The following UBXN2B variants were observed in gnomAD, a reference collection of about 807,000 sequenced individuals.
UBXN2B encodes UBX domain-containing protein 2B.
Under a neutral mutation model 37.5 loss-of-function variants are expected in UBXN2B, and 19 were observed. The observed-to-expected ratio is 0.51, with a 90% confidence interval of 0.35 to 0.74. The LOEUF (loss-of-function observed/expected upper bound fraction) is 0.74. Among genes scored for constraint, UBXN2B ranks in the 30% least tolerant of loss-of-function variants. The probability of loss-of-function intolerance (pLI) is 0.01; values close to 1 mark genes in which losing one functional copy is unlikely to be tolerated. For missense variants in UBXN2B, 370 were observed against 393.2 expected, an observed-to-expected ratio of 0.94 and a Z score of 0.50; for synonymous variants, 145 against 143.8, an observed-to-expected ratio of 1.01 and a Z score of -0.06.
At position 58,426,824 on chromosome 8, in the gene UBXN2B, C is replaced by G. The variant is rs920702582; in HGVS notation, c.189-3695C>G. 52 of 579,410 alleles carry G rather than the reference C, an allele frequency of 9.0e-5. 1 individual carries two copies. Among genetic ancestry groups the G allele is most frequent in the African/African-American group, 2.4e-4 (13 of 54,792 alleles). 35.9% of individuals were successfully genotyped at this position (579,410 alleles called of 1,614,324 possible). ...AGCCAGCCGACTGTGCACAGACCCC[C>G]CTCCAGGCCTGGGGATCCTGGAGAC... On this transcript the variant is annotated intron_variant, in intron 2 of 7. Transcript: ENST00000399598.
intron 6 of UBXN2B, 109 bp downstream of exon 6, chr8:58,439,879 A>G: frequency 2.0e-6 from 2 of 975,916 alleles, no homozygotes; most frequent in Non-Finnish European, 2.9e-6. Flanking sequence ...TGAACCATGC[A>G]CATTAGATAT....
chr8:58,434,988 A>G (rs1808375007), intron 5 of UBXN2B: 1 of 1,532,552 alleles, frequency 6.5e-7, no homozygotes, highest in African/African-American at 1.4e-5. Flanking sequence ...AAACTCAGAT[A>G]TTCAGTGCTC....
chr8:58,418,241 CAAAAAAAAAAAA>C (rs56073006), intron 2 of UBXN2B, among the ~76,000 whole-genome samples: 32 of 109,090 alleles, frequency 2.9e-4, no homozygotes, highest in Admixed American at 6.0e-4. Flanking sequence ...ACTCTGTCTC[CAAAAAAAAAAAA>C]AAAAAAAAAA....
chr8:58,435,088 C>T, intron 5 of UBXN2B: 1 of 1,428,120 alleles, frequency 7.0e-7, no homozygotes, highest in Non-Finnish European at 9.1e-7. Context: ...AAAAGCTTTT[C>T]TGTGTTATGA....
chr8:58,447,815 G>A lies in UBXN2B; in HGVS notation c.*264G>A, dbSNP rs1020104649. 17 of 275,836 alleles carry A rather than the reference G, an allele frequency of 6.2e-5. No homozygotes were observed. The highest frequency in any genetic ancestry group is 1.0e-4 in the Non-Finnish European group (15 of 149,140). The allele number at this position is 275,836 out of a possible 1,614,324, so 17.1% of individuals were successfully genotyped here. On this transcript the variant is annotated 3_prime_UTR_variant, in exon 8 of 8. Coordinates refer to ENST00000399598, the MANE Select transcript of UBXN2B (RefSeq NM_001077619.2). Reference sequence around the variant, plus strand: ...TTTCTAGGCAAATGAGTTGTTACATGCTTAGTGTTAATGTAACAACATTTG... The same window carrying A: ...TTTCTAGGCAAATGAGTTGTTACATACTTAGTGTTAATGTAACAACATTTG...
chr8:58,434,948 G>C, intron 5 of UBXN2B: 1 of 1,535,458 alleles, frequency 6.5e-7, no homozygotes, highest in Non-Finnish European at 8.7e-7. Flanking sequence ...GATTTCAAAA[G>C]GTTAGTTTGA....
In UBXN2B at chr8:58,434,556, C is replaced by A. The variant is rs745625650; in HGVS notation, c.533+52C>A. ...TGTTATGTAGAGTGGGACTTATTTT[C>A]TTAACAGACTACTCATTATTAGTGC... On this transcript the variant is annotated intron_variant, in intron 5 of 7. Coordinates refer to ENST00000399598, the MANE Select transcript of UBXN2B (RefSeq NM_001077619.2). 3.9e-6 allele frequency: 5 copies of A among 1,268,558 alleles called. No homozygotes were observed. The East Asian group carries it at 1.3e-4, about 32-fold the overall frequency. The allele number at this position is 1,268,558 out of a possible 1,614,324, so 78.6% of individuals were successfully genotyped here.
intron 5 of UBXN2B, 72 bp from the exon 6 acceptor site, chr8:58,439,561 T>G: frequency 6.7e-7 from 1 of 1,497,170 alleles, no homozygotes; most frequent in Non-Finnish European, 8.9e-7. Context: ...ATGAAATAAT[T>G]ACAGTAATCT....
In UBXN2B at chr8:58,447,504, C is replaced by G. The variant is rs1808709163; in HGVS notation, c.949C>G (p.Leu317Val). 1 of 1,613,158 alleles carries G rather than the reference C, an allele frequency of 6.2e-7. No homozygotes were observed. Reference protein sequence around the residue: ...KELTDESLTLLEADILNTVLL... With the variant: ...KELTDESLTLVEADILNTVLL... ...GCTAACAGATGAAAGCCTGACACTG[C>G]TAGAAGCAGATATTCTTAACACTGT... is the stretch of plus-strand genomic sequence containing the variant. The change falls in exon 8 of 8, where the codon CTA (leucine) becomes GTA (valine). Residue 317 changes from leucine to valine, a missense_variant. By Grantham distance (32) the Leu-to-Val change is conservative. Around this residue, in one of 3 missense-constraint regions of UBXN2B, gnomAD observed 83 missense variants for 83.5 expected, o/e 0.99. Coordinates refer to ENST00000399598, the MANE Select transcript of UBXN2B (RefSeq NM_001077619.2).
intron 2 of UBXN2B, chr8:58,424,829 A>G (rs1482364312): frequency 1.1e-5 from 16 of 1,436,762 alleles, no homozygotes; most frequent in Non-Finnish European, 1.6e-5. Context: ...ACCGCCATAT[A>G]GATAAATCGG....
Position 58,411,409 on chromosome 8 carries a change from G to A in UBXN2B, c.24G>A (p.Glu8=), listed in dbSNP as rs948427869. MAEGGGP[E]PGEQERRSSG... is the part of the protein sequence containing the mutation. ...AGATGGCGGAGGGCGGAGGCCCTGA[G>A]CCCGGCGAGCAGGAGAGGAGGTCTT... Residue 8 remains glutamate, a synonymous_variant, in exon 1 of 8, where the codon GAG becomes GAA. Coordinates refer to ENST00000399598, the MANE Select transcript of UBXN2B (RefSeq NM_001077619.2). 1.4e-5 allele frequency: 18 copies of A among 1,270,210 alleles called. No individual in the cohort carries two copies. Among genetic ancestry groups the A allele is most frequent in the African/African-American group, 4.6e-5 (3 of 64,590 alleles). 78.7% of individuals were successfully genotyped at this position (1,270,210 alleles called of 1,614,324 possible).
Position 58,447,613 on chromosome 8 carries a change from A to G in UBXN2B, c.*62A>G, listed in dbSNP as rs1170406595. The G allele has an allele frequency of 7.2e-7, 1 of 1,383,700 alleles. No homozygotes were observed. Among genetic ancestry groups the G allele is most frequent in the Non-Finnish European group, 9.5e-7 (1 of 1,047,632 alleles). The allele number at this position is 1,383,700 out of a possible 1,614,324, so 85.7% of individuals were successfully genotyped here. On this transcript the variant is annotated 3_prime_UTR_variant, in exon 8 of 8. Transcript: ENST00000399598. ...ATGATGTGCCGTATTAATAAGGACA[A>G]TACTTCAGCATTAAAAACAGCCAAA...
At chr8:58,437,831 G>C (rs964267703) in intron 5 of UBXN2B, among the ~76,000 whole-genome samples, 3 of 152,158 alleles carry the variant, frequency 2.0e-5, no homozygotes, top group Non-Finnish European at 2.9e-5. Context: ...AATACAAGCA[G>C]GCTGTGGAGC....
intron 5 of UBXN2B, among the ~76,000 whole-genome samples, chr8:58,436,675 GTTC>G (rs746598430): frequency 5.9e-5 from 9 of 152,188 alleles, no homozygotes; most frequent in Non-Finnish European, 1.3e-4. Flanking sequence ...TAATGAATGA[GTTC>G]TTCTTCTGGC....
At chr8:58,425,812 T>G in intron 2 of UBXN2B, 4 of 1,169,746 alleles carry the variant, frequency 3.4e-6, no homozygotes, top group Non-Finnish European at 5.1e-6. Context: ...AATCATACCG[T>G]TCTCCTCCAC....
intron 2 of UBXN2B, among the ~76,000 whole-genome samples, chr8:58,419,629 A>G (rs1415811814): frequency 6.6e-6 from 1 of 152,244 alleles, no homozygotes; most frequent in South Asian, 2.1e-4. Context: ...GATAAAGTGA[A>G]TAAGATGCCT....
Position 58,416,947 on chromosome 8 carries a change from C to G in UBXN2B, c.182C>G (p.Pro61Arg). The G allele has an allele frequency of 6.3e-7, 1 of 1,594,454 alleles. No individual in the cohort carries two copies. The highest frequency in any genetic ancestry group is 8.6e-7 in the Non-Finnish European group (1 of 1,168,828). The change falls in exon 2 of 8, where the codon CCT (proline) becomes CGT (arginine). Residue 61 changes from proline to arginine, a missense_variant. By Grantham distance (103) the Pro-to-Arg change is moderately radical. Around this residue, in one of 3 missense-constraint regions of UBXN2B, gnomAD observed 197 missense variants for 170.2 expected, o/e 1.16. Transcript: ENST00000399598. ...ATVFKSPRTP[P>R]QRFYSSEHEY... is the part of the protein sequence containing the mutation. ...GTCTTCAAGAGCCCACGGACACCACCTCAACGGTAAGTTTTATTTTGTTTT... is the reference window on the plus strand; with the variant it reads ...GTCTTCAAGAGCCCACGGACACCACGTCAACGGTAAGTTTTATTTTGTTTT...
intron 2 of UBXN2B, among the ~76,000 whole-genome samples, chr8:58,422,534 C>T (rs1807956215): frequency 6.6e-6 from 1 of 152,236 alleles, no homozygotes; most frequent in African/African-American, 2.4e-5. Flanking sequence ...GGAAAAGGCA[C>T]TTAAGGTGGA....
chr8:58,436,634 C>T (rs1009084289), intron 5 of UBXN2B, among the ~76,000 whole-genome samples: 16 of 152,238 alleles, frequency 1.1e-4, no homozygotes, highest in Admixed American at 5.2e-4. Flanking sequence ...GGGGTGGATC[C>T]CTCACAAATG....
Sources: gnomAD v4.1 joint callset for allele counts (sites outside exome capture counted in the v4.1 genomes callset) on GRCh38, gnomAD v4.1.1 for gene constraint, gnomAD v4.1.1 regional missense constraint, MANE v1.5 for transcripts, NCBI Gene and HGNC (gene_info 2026-07-23, HGNC 2026-07-21) for gene names.